Variants in HMG20A observed in about 807,000 individuals in gnomAD.
HMG20A encodes the protein high mobility group 20A.
In HMG20A, 17 loss-of-function variants were observed where a neutral mutation model predicts 43.9. That is an observed-to-expected ratio of 0.39 (90% CI 0.27 to 0.58). HMG20A has a LOEUF of 0.58. Ranked by LOEUF, HMG20A falls within the 20% of genes least tolerant of loss-of-function variation. The probability of loss-of-function intolerance (pLI) is 0.59; values close to 1 mark genes in which losing one functional copy is unlikely to be tolerated. For missense variants in HMG20A, 341 were observed against 438.2 expected (o/e 0.78, Z 1.98); for synonymous variants, 132 against 147.5 (o/e 0.89, Z 0.76).
the HMG20A span, among the ~76,000 whole-genome samples, chr15:77,501,115 T>A: frequency 5.9e-5 from 9 of 152,238 alleles, no homozygotes; most frequent in Non-Finnish European, 1.3e-4. Context: ...TCTCTTCTCA[T>A]CTTTGTATCT....
chr15:77,485,376 C>A lies in HMG20A; in HGVS notation c.*2413C>A, dbSNP rs1393839208. The A allele has an allele frequency of 6.6e-6, 1 of 151,002 alleles. No homozygotes were observed. The highest frequency in any genetic ancestry group is 2.5e-5 in the African/African-American group (1 of 40,074). 9.4% of individuals were successfully genotyped at this position (151,002 alleles called of 1,614,324 possible). On this transcript the variant is annotated 3_prime_UTR_variant, in exon 10 of 10. Coordinates refer to ENST00000336216, the MANE Select transcript of HMG20A (RefSeq NM_001304504.2). The stretch of plus-strand genomic sequence containing the variant: ...GTTGCCTATTCAGTGTTACAGATTT[C>A]TTTGTTTCTTTTTAATTAAAATACA...
At chr15:77,503,662 G>A in the HMG20A span, among the ~76,000 whole-genome samples, 1 of 152,346 alleles carries the variant, frequency 6.6e-6, no homozygotes, top group South Asian at 2.1e-4. Flanking sequence ...AGGAGAGCAT[G>A]TCACACGATT....
rs202005653 is a variant in HMG20A at position 77,478,331 on chromosome 15, A to G, written c.728A>G (p.Asn243Ser). 3.1e-6 allele frequency: 5 copies of G among 1,613,690 alleles called. No individual in the cohort carries two copies. The Admixed American group carries it at 5.0e-5, about 16-fold the overall frequency. ...GAGCTCCGCCAGCTTCGCAAATCCA[A>G]CATGGAGTTTGAGGAGAGGAATGCA... The part of the protein sequence containing the change: ...EAELRQLRKS[N>S]MEFEERNAAL... The change falls in exon 8 of 10, where the codon AAC becomes AGC. Residue 243 changes from asparagine to serine, a missense_variant. This residue lies in a region of HMG20A where 118 missense variants were observed against 154.5 expected (regional missense o/e 0.76). Coordinates refer to ENST00000336216, the MANE Select transcript of HMG20A (RefSeq NM_001304504.2).
At chr15:77,443,195 G>C (rs1243584500) in intron 1 of HMG20A, among the ~76,000 whole-genome samples, 1 of 150,856 alleles carries the variant, frequency 6.6e-6, no homozygotes, top group Non-Finnish European at 1.5e-5. Context: ...ACCATACCGG[G>C]CTAATTTTTG....
At chr15:77,481,209 C>G (rs2072903516) in intron 9 of HMG20A, among the ~76,000 whole-genome samples, 1 of 152,286 alleles carries the variant, frequency 6.6e-6, no homozygotes, top group South Asian at 2.1e-4. Flanking sequence ...CTCAGCCATG[C>G]TCTGATGGGG....
intron 4 of HMG20A, among the ~76,000 whole-genome samples, chr15:77,467,845 T>C (rs1458477131): frequency 2.6e-5 from 4 of 152,156 alleles, no homozygotes. Flanking sequence ...AATCCGTTCA[T>C]TAGAGAGATT....
chr15:77,464,183 G>T, intron 2 of HMG20A, 57 bp from the exon 3 acceptor site: 1 of 1,585,888 alleles, frequency 6.3e-7, no homozygotes, highest in Non-Finnish European at 8.6e-7. Flanking sequence ...AATTTATCTA[G>T]AACCTTAGTA....
At chr15:77,514,149 A>G in the HMG20A span, among the ~76,000 whole-genome samples, 1 of 152,244 alleles carries the variant, frequency 6.6e-6, no homozygotes, top group South Asian at 2.1e-4. Context: ...TTAGTCCACA[A>G]CACTACTCAA....
chr15:77,514,030 CCTACTGT>C, the HMG20A span, among the ~76,000 whole-genome samples: 1 of 152,112 alleles, frequency 6.6e-6, no homozygotes, highest in South Asian at 2.1e-4. Flanking sequence ...AGCCTTTTTT[CCTACTGT>C]CTACATAATT....
chr15:77,497,974 G>A, the HMG20A span, among the ~76,000 whole-genome samples: 31 of 151,960 alleles, frequency 2.0e-4, no homozygotes, highest in Admixed American at 5.2e-4. Flanking sequence ...TCCTGACAAG[G>A]TCAACAAGCT....
the HMG20A span, among the ~76,000 whole-genome samples, chr15:77,493,487 C>G: frequency 2.0e-5 from 3 of 152,162 alleles, no homozygotes; most frequent in Non-Finnish European, 4.4e-5. Flanking sequence ...CTGGGATAGT[C>G]TCCTCAGTGC....
At chr15:77,509,996 T>C in the HMG20A span, among the ~76,000 whole-genome samples, 1 of 152,106 alleles carries the variant, frequency 6.6e-6, no homozygotes, top group African/African-American at 2.4e-5. Flanking sequence ...CTGGCCTGTC[T>C]TTCTGGAAGG....
At chr15:77,477,752 A>G in intron 7 of HMG20A, 122 bp downstream of exon 7, 1 of 635,268 alleles carries the variant, frequency 1.6e-6, no homozygotes, top group Non-Finnish European at 2.7e-6. Context: ...CTCAAAGACC[A>G]GTGAAGGAAA....
rs750152028 is a variant in HMG20A, at chr15:77,478,525, C to T, written c.907+15C>T. 3.1e-6 allele frequency: 5 copies of T among 1,601,114 alleles called. No homozygotes were observed. The South Asian group carries it at 5.5e-5, about 18-fold the overall frequency. On this transcript the variant is annotated intron_variant, in intron 8 of 9. Coordinates refer to ENST00000336216, the MANE Select transcript of HMG20A (RefSeq NM_001304504.2). Reference sequence around the variant, plus strand: ...GCCCTTGCCTGGTAAGTCCTCCTGCCTGAGAACTGTCAGTGACAGGGGTGT... The same window carrying T: ...GCCCTTGCCTGGTAAGTCCTCCTGCTTGAGAACTGTCAGTGACAGGGGTGT...
downstream of HMG20A, among the ~76,000 whole-genome samples, chr15:77,488,982 T>C (rs1019700071): frequency 6.6e-6 from 1 of 152,216 alleles, no homozygotes; most frequent in Admixed American, 6.5e-5. Flanking sequence ...TGGATTCTGC[T>C]GCTTTCCTCT....
chr15:77,434,947 A>G (rs967774040), intron 1 of HMG20A, among the ~76,000 whole-genome samples: 1 of 152,202 alleles, frequency 6.6e-6, no homozygotes, highest in African/African-American at 2.4e-5. Flanking sequence ...TCATAGTAGC[A>G]TCATTCTTAA....
rs2072938941 is a variant in HMG20A at position 77,485,365 on chromosome 15, G to A, written c.*2402G>A. On this transcript the variant is annotated 3_prime_UTR_variant, in exon 10 of 10. Transcript: ENST00000336216. Reference sequence around the variant, plus strand: ...AGAAATAAGTTGTTGCCTATTCAGTGTTACAGATTTCTTTGTTTCTTTTTA... The same window carrying A: ...AGAAATAAGTTGTTGCCTATTCAGTATTACAGATTTCTTTGTTTCTTTTTA... 1 of 152,578 alleles carries A rather than the reference G, an allele frequency of 6.6e-6. No individual in the cohort carries two copies. The highest frequency in any genetic ancestry group is 1.5e-5 in the Non-Finnish European group (1 of 68,026). The allele number at this position is 152,578 out of a possible 1,614,324, so 9.5% of individuals were successfully genotyped here.
chr15:77,478,174 G>T, intron 7 of HMG20A, 121 bp from the exon 8 acceptor site: 1 of 837,510 alleles, frequency 1.2e-6, no homozygotes, highest in Admixed American at 1.9e-5. Context: ...ATGAGAATAG[G>T]GAGATGAGGT....
rs749220606 is a variant in HMG20A at position 77,484,411 on chromosome 15, C to G, written c.*1448C>G. 2.6e-5 allele frequency: 4 copies of G among 152,626 alleles called. No homozygotes were observed. The highest frequency in any genetic ancestry group is 5.9e-5 in the Non-Finnish European group (4 of 68,106). The allele number at this position is 152,626 out of a possible 1,614,324, so 9.5% of individuals were successfully genotyped here. On this transcript the variant is annotated 3_prime_UTR_variant, in exon 10 of 10. Transcript: ENST00000336216. ...TCTTTGGAACCAAAGGCAGAGCAAGCAGAGCCCGTTGTCTGGGCCCCACAC... is the reference window on the plus strand; with the variant it reads ...TCTTTGGAACCAAAGGCAGAGCAAGGAGAGCCCGTTGTCTGGGCCCCACAC...
Sources: allele counts gnomAD v4.1 joint callset (sites outside exome capture counted in the v4.1 genomes callset), GRCh38; gene constraint gnomAD v4.1.1; regional missense constraint gnomAD v4.1.1; transcripts MANE v1.5; gene names NCBI Gene and HGNC (gene_info 2026-07-23, HGNC 2026-07-21).